The following SRSF1 variants were observed in gnomAD, a reference collection of about 807,000 sequenced individuals.
SRSF1 encodes the protein serine/arginine-rich splicing factor 1.
SRSF1 carries 1 observed loss-of-function variant against 25.9 expected under a neutral mutation model. The ratio of observed to expected loss-of-function variants is 0.04; its 90% CI spans 0.01 to 0.18. The LOEUF (loss-of-function observed/expected upper bound fraction) is 0.18. Among genes scored for constraint, SRSF1 ranks in the 10% least tolerant of loss-of-function variants. SRSF1 has a pLI of 1.00. For missense variants in SRSF1, 65 were observed against 350.5 expected, an observed-to-expected ratio of 0.19 and a Z score of 6.50; for synonymous variants, 132 against 126.2, an observed-to-expected ratio of 1.05 and a Z score of -0.31.
intron 2 of SRSF1, 129 bp from the exon 3 acceptor site, chr17:58,006,102 G>C: frequency 1.0e-6 from 1 of 996,816 alleles, no homozygotes; most frequent in Non-Finnish European, 1.4e-6. Context: ...CAGGTAAAGA[G>C]AGCTGGTAAG....
chr17:57,989,152 C>T, the SRSF1 span: 1 of 398,492 alleles, frequency 2.5e-6, no homozygotes, highest in African/African-American at 2.1e-5. Flanking sequence ...TGACCCCAGC[C>T]TGTTTGCAGT....
the SRSF1 span, chr17:57,989,778 C>T: frequency 2.5e-6 from 1 of 398,538 alleles, no homozygotes; most frequent in African/African-American, 2.1e-5. Flanking sequence ...GCAGGTAACA[C>T]ATCAGGGAAC....
At chr17:57,998,383 A>C (rs1401152878), downstream of SRSF1, among the ~76,000 whole-genome samples, 5 of 152,132 alleles carry the variant, frequency 3.3e-5, no homozygotes, top group African/African-American at 9.7e-5. Context: ...AGCCTTAATA[A>C]TTGTTGAAAG....
Position 58,002,273 on chromosome 17 carries a change from CA to C in SRSF1, c.*3132del, listed in dbSNP as rs2075396863. The stretch of plus-strand genomic sequence containing the variant: ...TAAGTACTTAGTGAAATTCTGCATT[CA>C]ACTTAACATCCCCTCTTCCCAACAT... On this transcript the variant is annotated 3_prime_UTR_variant, in exon 4 of 4. Coordinates refer to ENST00000258962, the MANE Select transcript of SRSF1 (RefSeq NM_006924.5). 6.6e-6 allele frequency among the ~76,000 whole-genome samples: 1 copy of C among 152,154 alleles called. No homozygotes were observed. The highest frequency in any genetic ancestry group is 2.1e-4 in the South Asian group (1 of 4,828).
chr17:58,006,835 C>T (rs1598061931), intron 1 of SRSF1, 109 bp downstream of exon 1: 3 of 1,350,012 alleles, frequency 2.2e-6, no homozygotes, highest in Non-Finnish European at 3.1e-6. Flanking sequence ...AGTCTCGCCC[C>T]AACCTCTCTA....
chr17:58,006,675 G>A, intron 1 of SRSF1, 148 bp from the exon 2 acceptor site: 2 of 1,025,868 alleles, frequency 1.9e-6, no homozygotes, highest in South Asian at 1.7e-5. Flanking sequence ...CCCCCACCCA[G>A]AAACACGCCA....
rs2075393021 is a variant in SRSF1, at chr17:58,001,806, A to C, written c.*3600T>G. ...AGCTTTTAGCTGTCTGGTCATCTTA[A>C]CTACAAAACCTATGCCCCTTTACCT... On this transcript the variant is annotated 3_prime_UTR_variant, in exon 4 of 4. Transcript: ENST00000258962. Among the ~76,000 whole-genome samples, 1 of 152,200 alleles carries C rather than the reference A, an allele frequency of 6.6e-6. No homozygotes were observed. The highest frequency in any genetic ancestry group is 2.4e-5 in the African/African-American group (1 of 41,472).
At chr17:57,990,299 C>G in the SRSF1 span, 1 of 152,136 alleles carries the variant, frequency 6.6e-6, no homozygotes. Flanking sequence ...TACTGAAAAG[C>G]TAAGATTCAG....
At chr17:57,997,293 TGAG>T (rs1567745886), downstream of SRSF1, among the ~76,000 whole-genome samples, 1 of 152,208 alleles carries the variant, frequency 6.6e-6, no homozygotes, top group East Asian at 1.9e-4. Flanking sequence ...GCTTCACATC[TGAG>T]GAGTTATTAG....
chr17:58,006,796 T>G, intron 1 of SRSF1, 148 bp downstream of exon 1: 1 of 1,038,870 alleles, frequency 9.6e-7, no homozygotes, highest in South Asian at 1.6e-5. Flanking sequence ...TCAACTCAGC[T>G]CCTTACTCGA....
At chr17:57,999,152 C>G (rs2075375792), downstream of SRSF1, among the ~76,000 whole-genome samples, 5 of 152,302 alleles carry the variant, frequency 3.3e-5, no homozygotes, top group South Asian at 1.0e-3. Context: ...AACAGCTAAG[C>G]TGACACATAA....
At position 58,001,570 on chromosome 17, in the gene SRSF1, G is replaced by A. The variant is rs1232132101; in HGVS notation, c.*3836C>T. ...TTATGAAAAGTAATTGCTTCTTAAA[G>A]AGACTTAAGTTTTTCCTTGGTTAGA... is the stretch of plus-strand genomic sequence containing the variant. On this transcript the variant is annotated 3_prime_UTR_variant, in exon 4 of 4. Transcript: ENST00000258962. Among the ~76,000 whole-genome samples, 1 of 152,176 alleles carries A rather than the reference G, an allele frequency of 6.6e-6. No individual in the cohort carries two copies. The highest frequency in any genetic ancestry group is 1.5e-5 in the Non-Finnish European group (1 of 68,006).
At chr17:57,996,663 C>T (rs972646539), downstream of SRSF1, among the ~76,000 whole-genome samples, 1 of 152,068 alleles carries the variant, frequency 6.6e-6, no homozygotes, top group Admixed American at 6.5e-5. Flanking sequence ...AAGAATGCTT[C>T]AGTCATTAGG....
chr17:57,995,449 A>G, the SRSF1 span, among the ~76,000 whole-genome samples: 1,166 of 152,326 alleles, frequency 7.7e-3, 11 homozygotes, highest in African/African-American at 0.027. Flanking sequence ...GGCTTCTCTG[A>G]GAGAGCTGGC....
Position 58,005,287 on chromosome 17 carries a change from C to T in SRSF1, c.*119G>A. 1 of 1,054,648 alleles carries T rather than the reference C, an allele frequency of 9.5e-7. No homozygotes were observed. 65.3% of individuals were successfully genotyped at this position (1,054,648 alleles called of 1,614,324 possible). A position where few individuals can be genotyped will look rare whatever the true frequency, so the allele number is the denominator to read the frequency against. On this transcript the variant is annotated 3_prime_UTR_variant, in exon 4 of 4. Coordinates refer to ENST00000258962, the MANE Select transcript of SRSF1 (RefSeq NM_006924.5). This position sits in a 1 kb window ranked among gnomAD's most constrained non-coding sequence, Gnocchi z 5.2. The stretch of plus-strand genomic sequence containing the variant: ...GGAGCAAGGGGATATTACAAGAATG[C>T]AATTCAACACTTTAGCCCATTCTGA...
In SRSF1 at chr17:58,003,204, C is replaced by T. The variant is rs1033990882; in HGVS notation, c.*2202G>A. Among the ~76,000 whole-genome samples, 7 of 152,138 alleles carry T rather than the reference C, an allele frequency of 4.6e-5. No individual in the cohort carries two copies. The highest frequency in any genetic ancestry group is 2.1e-4 in the South Asian group (1 of 4,824). ...TAAGCAGCATCTATAGTTTTTTAAC[C>T]ACTTTATAACAAAGTAGAGAAGCTT... is the stretch of plus-strand genomic sequence containing the variant. On this transcript the variant is annotated 3_prime_UTR_variant, in exon 4 of 4. Coordinates refer to ENST00000258962, the MANE Select transcript of SRSF1 (RefSeq NM_006924.5).
At chr17:58,006,295 AG>A in intron 2 of SRSF1, 47 bp downstream of exon 2, 1 of 1,542,794 alleles carries the variant, frequency 6.5e-7, no homozygotes, top group Non-Finnish European at 8.7e-7. Context: ...GAAAAATTTT[AG>A]GTAGTTTTCG....
intron 1 of SRSF1, 129 bp from the exon 2 acceptor site, chr17:58,006,656 A>C: frequency 8.8e-7 from 1 of 1,139,088 alleles, no homozygotes; most frequent in Non-Finnish European, 1.2e-6. Flanking sequence ...CATAATAGGA[A>C]TGGCCCCTCC....
chr17:58,006,560 A>C (rs1285329596), intron 1 of SRSF1, 33 bp from the exon 2 acceptor site: 3 of 1,588,560 alleles, frequency 1.9e-6, no homozygotes, highest in Non-Finnish European at 2.6e-6. Flanking sequence ...AGGGATGAGA[A>C]ACACCAGGAG....
Sources: gnomAD v4.1 joint callset for allele counts (sites outside exome capture counted in the v4.1 genomes callset) on GRCh38, gnomAD v4.1.1 for gene constraint, Gnocchi (gnomAD v3.1) non-coding constraint, MANE v1.5 for transcripts, NCBI Gene and HGNC (gene_info 2026-07-23, HGNC 2026-07-21) for gene names.